Variants in RPGRIP1L observed in about 807,000 individuals in gnomAD.
The protein encoded by RPGRIP1L is protein fantom.
RPGRIP1L carries 131 observed loss-of-function variants against 160.4 expected under a neutral mutation model. The ratio of observed to expected loss-of-function variants is 0.82; its 90% CI spans 0.71 to 0.94. RPGRIP1L has a LOEUF of 0.94. Among genes scored for constraint, RPGRIP1L ranks in the 40% least tolerant of loss-of-function variants. The pLI is 0.00. For missense variants in RPGRIP1L, 1,522 were observed against 1,535.8 expected, an observed-to-expected ratio of 0.99 and a Z score of 0.15; for synonymous variants, 510 against 515.8, an observed-to-expected ratio of 0.99 and a Z score of 0.15.
intron 16 of RPGRIP1L, among the ~76,000 whole-genome samples, chr16:53,647,028 A>G (rs1328936331): frequency 6.6e-6 from 1 of 152,200 alleles, no homozygotes; most frequent in African/African-American, 2.4e-5. Flanking sequence ...CAGAGCTGAA[A>G]TTCCACCAGG....
At chr16:53,631,139 C>T (rs1210068206) in intron 22 of RPGRIP1L, among the ~76,000 whole-genome samples, 2 of 152,174 alleles carry the variant, frequency 1.3e-5, no homozygotes, top group Non-Finnish European at 1.5e-5. Context: ...TATTTGATTC[C>T]TAAGTGATTT....
chr16:53,696,250 C>A lies in RPGRIP1L; in HGVS notation c.131G>T (p.Arg44Leu). ...RTMKSRQAVS[R>L]VSREELEDRF... is the part of the protein sequence containing the mutation. ...GTCTTCCAGTTCCTCACGACTGACA[C>A]GTGACACTGCCTGGCGAGACTTCAT... Residue 44 changes from arginine (R) to leucine (L), a missense_variant, in exon 3 of 27, where the codon CGT (arginine) becomes CTT (leucine). Transcript: ENST00000647211. 6.2e-7 allele frequency: 1 copy of A among 1,614,064 alleles called. No individual in the cohort carries two copies. The highest frequency in any genetic ancestry group is 8.5e-7 in the Non-Finnish European group (1 of 1,179,968).
At chr16:53,611,180 G>C in intron 24 of RPGRIP1L, 129 bp from the exon 25 acceptor site, 1 of 695,084 alleles carries the variant, frequency 1.4e-6, no homozygotes, top group Non-Finnish European at 2.5e-6. Context: ...TGCATGCCTG[G>C]GAAAAGAAAA....
chr16:53,621,369 T>C (rs535881043), intron 23 of RPGRIP1L, among the ~76,000 whole-genome samples: 34 of 150,932 alleles, frequency 2.3e-4, no homozygotes, highest in Admixed American at 1.4e-3. Context: ...ACTCACTGTA[T>C]TATCAAAAAA....
chr16:53,625,549 C>T (rs8057675), intron 22 of RPGRIP1L, among the ~76,000 whole-genome samples: 15,345 of 150,266 alleles, frequency 0.1, 1,846 homozygotes, highest in African/African-American at 0.29. Flanking sequence ...CCGGCAGCCA[C>T]CCCGTCTTGG....
At chr16:53,696,658 AC>A (rs2151381339) in intron 2 of RPGRIP1L, among the ~76,000 whole-genome samples, 1 of 152,352 alleles carries the variant, frequency 6.6e-6, no homozygotes, top group South Asian at 2.1e-4. Flanking sequence ...TTATTTTTTT[AC>A]AAAGGCAAGA....
intron 22 of RPGRIP1L, among the ~76,000 whole-genome samples, chr16:53,630,973 T>C (rs1965480400): frequency 6.6e-6 from 1 of 152,132 alleles, no homozygotes; most frequent in Admixed American, 6.5e-5. Context: ...CCTCAGGTAA[T>C]CTGCCCACCT....
At chr16:53,671,296 T>C (rs1968699138) in intron 9 of RPGRIP1L, among the ~76,000 whole-genome samples, 3 of 152,168 alleles carry the variant, frequency 2.0e-5, no homozygotes, top group South Asian at 2.1e-4. Context: ...CAAAGTGATA[T>C]GGTTTTCTTA....
At chr16:53,635,757 A>G (rs1386949882) in intron 22 of RPGRIP1L, 1 of 152,200 alleles carries the variant, frequency 6.6e-6, no homozygotes, top group Non-Finnish European at 1.5e-5. Context: ...ATTAACATAG[A>G]TGAATAGAAA....
At chr16:53,690,426 G>C (rs1970305059) in intron 4 of RPGRIP1L, among the ~76,000 whole-genome samples, 1 of 152,094 alleles carries the variant, frequency 6.6e-6, no homozygotes, top group Non-Finnish European at 1.5e-5. Context: ...TCCATCTCCT[G>C]ACCTTGTGAT....
chr16:53,627,912 C>T (rs747950416), intron 22 of RPGRIP1L, among the ~76,000 whole-genome samples: 1 of 152,168 alleles, frequency 6.6e-6, no homozygotes. Flanking sequence ...TACAATGCTG[C>T]ATTAAATATC....
At chr16:53,634,357 G>C (rs371967579) in intron 22 of RPGRIP1L, among the ~76,000 whole-genome samples, 1 of 152,086 alleles carries the variant, frequency 6.6e-6, no homozygotes, top group East Asian at 1.9e-4. Flanking sequence ...TAGCCATTAT[G>C]ATTTCTTGAG....
chr16:53,610,855 A>G, intron 25 of RPGRIP1L, 112 bp downstream of exon 25: 1 of 859,630 alleles, frequency 1.2e-6, no homozygotes, highest in Non-Finnish European at 2.0e-6. Flanking sequence ...AGAGTGAGTC[A>G]GAGAACCCCG....
At chr16:53,700,566 A>G (rs1971318009) in intron 2 of RPGRIP1L, 73 bp downstream of exon 2, 3 of 1,190,920 alleles carry the variant, frequency 2.5e-6, no homozygotes, top group Non-Finnish European at 3.7e-6. Flanking sequence ...TTGTATGAGT[A>G]TAAGAAATAC....
At chr16:53,628,006 C>T (rs189302379) in intron 22 of RPGRIP1L, among the ~76,000 whole-genome samples, 9 of 152,242 alleles carry the variant, frequency 5.9e-5, no homozygotes, top group Admixed American at 5.9e-4. Context: ...TGTATACATG[C>T]ATGATTCCCT....
chr16:53,658,319 C>T, intron 12 of RPGRIP1L, 95 bp downstream of exon 12: 2 of 913,874 alleles, frequency 2.2e-6, no homozygotes, highest in South Asian at 1.3e-5. Context: ...AAGAATAATT[C>T]ATTCTCCAAA....
chr16:53,624,243 G>A (rs763099614), intron 22 of RPGRIP1L, among the ~76,000 whole-genome samples: 2 of 152,130 alleles, frequency 1.3e-5, no homozygotes, highest in Admixed American at 6.5e-5. Context: ...AGGTATTATT[G>A]CCTTCTCATT....
At chr16:53,621,996 C>G (rs1964749061) in intron 23 of RPGRIP1L, among the ~76,000 whole-genome samples, 1 of 119,246 alleles carries the variant, frequency 8.4e-6, no homozygotes, top group East Asian at 2.7e-4. Flanking sequence ...GCACTCCAGC[C>G]TGGCAGACAG....
chr16:53,673,660 C>T (rs1968929835), intron 7 of RPGRIP1L, among the ~76,000 whole-genome samples: 1 of 152,082 alleles, frequency 6.6e-6, no homozygotes, highest in Admixed American at 6.6e-5. Context: ...TGCAATGCCT[C>T]ACCTGCTAAC....
Sources: allele counts gnomAD v4.1 joint callset (sites outside exome capture counted in the v4.1 genomes callset), GRCh38; gene constraint gnomAD v4.1.1; transcripts MANE v1.5; gene names NCBI Gene and HGNC (gene_info 2026-07-23, HGNC 2026-07-21).